COL5A1: variants seen among roughly 807,000 people sequenced by gnomAD.
COL5A1 encodes collagen alpha-1(V) chain.
Under a neutral mutation model 263.7 loss-of-function variants are expected in COL5A1, and 16 were observed. That is an observed-to-expected ratio of 0.06 (90% CI 0.04 to 0.09). COL5A1 has a LOEUF of 0.09. COL5A1 is among the 10% of genes least tolerant of loss of function. COL5A1 has a pLI of 1.00. For missense variants in COL5A1, 2,036 were observed against 2,540.5 expected, an observed-to-expected ratio of 0.80 and a Z score of 4.27; for synonymous variants, 1,012 against 1,004.5, an observed-to-expected ratio of 1.01 and a Z score of -0.14.
chr9:134,734,194 G>C (rs1287164709), intron 9 of COL5A1, among the ~76,000 whole-genome samples: 1 of 152,200 alleles, frequency 6.6e-6, no homozygotes, highest in Admixed American at 6.5e-5. Flanking sequence ...GGGCCAAGGA[G>C]AGGGCCGAGA....
intron 13 of COL5A1, 110 bp from the exon 14 acceptor site, chr9:134,752,479 C>T (rs1183489655): frequency 5.7e-5 from 47 of 821,282 alleles, no homozygotes; most frequent in Non-Finnish European, 9.0e-5. Context: ...CCTGTCCCTC[C>T]TCTGTCCAGT....
At chr9:134,815,903 G>A (rs752803507) in intron 51 of COL5A1, 32 bp from the exon 52 acceptor site, 10 of 1,613,808 alleles carry the variant, frequency 6.2e-6, no homozygotes, top group Non-Finnish European at 8.5e-6. Flanking sequence ...GCCATCCGGG[G>A]TTCAGCAAGG....
Position 134,738,814 on chromosome 9 carries a change from AG to A in COL5A1, c.1494+8del, listed in dbSNP as rs1329211097. 1 of 1,612,184 alleles carries A rather than the reference AG, an allele frequency of 6.2e-7. No individual in the cohort carries two copies. The highest frequency in any genetic ancestry group is 1.3e-5 in the African/African-American group (1 of 74,884). ...TCGGGGACCCTGGAGAAAGGGTAAGAGGTTGACTGTGTTTCCTGAGATCACA... is the reference window on the plus strand; with the variant it reads ...TCGGGGACCCTGGAGAAAGGGTAAGAGTTGACTGTGTTTCCTGAGATCACA... On this transcript the variant is annotated splice_region_variant and intron_variant, in intron 11 of 65. Transcript: ENST00000371817.
At chr9:134,762,991 CAT>C (rs1156744556) in intron 19 of COL5A1, among the ~76,000 whole-genome samples, 7 of 152,142 alleles carry the variant, frequency 4.6e-5, no homozygotes, top group Admixed American at 1.3e-4. Context: ...TGTGGACAAG[CAT>C]GTGTGTATGG....
Position 134,750,811 on chromosome 9 carries a change from G to A in COL5A1, c.1591G>A (p.Asp531Asn), listed in dbSNP as rs779170635. The A allele has an allele frequency of 2.3e-5, 37 of 1,613,164 alleles. No homozygotes were observed. Among genetic ancestry groups the A allele is most frequent in the East Asian group, 4.5e-5 (2 of 44,876 alleles). ...MLPFRFGGGG[D>N]AGSKGPMVSA... ...GCAGTTCCGGTTTGGAGGTGGCGGCGATGCGGGCTCCAAAGGCCCCATGGT... is the reference window on the plus strand; with the variant it reads ...GCAGTTCCGGTTTGGAGGTGGCGGCAATGCGGGCTCCAAAGGCCCCATGGT... The change falls in exon 13 of 66, where the codon GAT (aspartate) becomes AAT (asparagine). Residue 531 changes from aspartate (D) to asparagine (N), a missense_variant. Asp to Asn is a conservative substitution (Grantham distance 23). Around this residue, in one of 3 missense-constraint regions of COL5A1, gnomAD observed 1,078 missense variants for 1,521.4 expected, o/e 0.71. Transcript: ENST00000371817.
chr9:134,814,940 C>T lies in COL5A1; in HGVS notation c.4014+36C>T, dbSNP rs374133427. On this transcript the variant is annotated intron_variant, in intron 50 of 65. Coordinates refer to ENST00000371817, the MANE Select transcript of COL5A1 (RefSeq NM_000093.5). ...CAGACACACCTCAGGGGCCCTGCAG[C>T]AGGGGCGGGGCTCTGCACTGGGATC... The T allele has an allele frequency of 1.2e-5, 17 of 1,454,608 alleles. No individual in the cohort carries two copies. In the African/African-American group the frequency reaches 1.4e-4, roughly 12 times the overall value. 90.1% of individuals were successfully genotyped at this position (1,454,608 alleles called of 1,614,324 possible).
Position 134,730,363 on chromosome 9 carries a change from C to A in COL5A1, c.1052C>A (p.Pro351Gln), listed in dbSNP as rs887190843. 51 of 1,614,084 alleles carry A rather than the reference C, an allele frequency of 3.2e-5. No homozygotes were observed. Among genetic ancestry groups the A allele is most frequent in the Non-Finnish European group, 4.1e-5 (48 of 1,180,038 alleles). Residue 351 changes from proline to glutamine, a missense_variant, in exon 7 of 66, where the codon CCG becomes CAG. By Grantham distance (76) the Pro-to-Gln change is moderately conservative (BLOSUM62 -1). Coordinates refer to ENST00000371817, the MANE Select transcript of COL5A1 (RefSeq NM_000093.5). ...VPSEDYYTPS[P>Q]YDDLTYGEGE... ...AGTGAGGACTACTACACGCCCTCAC[C>A]GTATGATGACCTCACCTATGGCGAG...
At chr9:134,809,547 A>G (rs1838434771) in intron 43 of COL5A1, among the ~76,000 whole-genome samples, 1 of 152,228 alleles carries the variant, frequency 6.6e-6, no homozygotes. Flanking sequence ...GGTTGCCTGC[A>G]ACATTTGCTG....
At chr9:134,728,831 G>A in intron 6 of COL5A1, 24 bp downstream of exon 6, 1 of 1,613,802 alleles carries the variant, frequency 6.2e-7, no homozygotes, top group East Asian at 2.2e-5. Context: ...GGGGGACTGG[G>A]TTGGGCTGGG....
intron 11 of COL5A1, among the ~76,000 whole-genome samples, chr9:134,743,527 C>T (rs1326042667): frequency 1.3e-5 from 2 of 152,210 alleles, no homozygotes; most frequent in African/African-American, 4.8e-5. Context: ...CCCAGGGATT[C>T]AGTATGCAGG....
chr9:134,660,586 A>C (rs1832172823), intron 1 of COL5A1, among the ~76,000 whole-genome samples: 1 of 152,166 alleles, frequency 6.6e-6, no homozygotes, highest in Non-Finnish European at 1.5e-5. Flanking sequence ...CAGTGGTGGG[A>C]GTGGTGCCCC....
At chr9:134,740,360 G>C (rs10115773) in intron 11 of COL5A1, among the ~76,000 whole-genome samples, 1 of 152,202 alleles carries the variant, frequency 6.6e-6, no homozygotes, top group Non-Finnish European at 1.5e-5. Context: ...CCCCAGATTC[G>C]CGTGAGATGG....
At position 134,686,271 on chromosome 9, in the gene COL5A1, C is replaced by T. The variant is rs562451644; in HGVS notation, c.110-4641C>T. Among the ~76,000 whole-genome samples, 9 of 151,598 alleles carry T rather than the reference C, an allele frequency of 5.9e-5. No homozygotes were observed. The highest frequency in any genetic ancestry group is 1.9e-4 in the East Asian group (1 of 5,170). Reference sequence around the variant, plus strand: ...TCTTCTTCTTTCTCTTCCTTTTTTTCGAGACCAGGTTATGCTCTGTCACCC... The same window carrying T: ...TCTTCTTCTTTCTCTTCCTTTTTTTTGAGACCAGGTTATGCTCTGTCACCC... On this transcript the variant is annotated intron_variant, in intron 1 of 65. Coordinates refer to ENST00000371817, the MANE Select transcript of COL5A1 (RefSeq NM_000093.5). This position sits in a 1 kb window ranked among gnomAD's most constrained non-coding sequence, Gnocchi z 4.6.
At chr9:134,667,515 G>T (rs1832396341) in intron 1 of COL5A1, among the ~76,000 whole-genome samples, 1 of 152,238 alleles carries the variant, frequency 6.6e-6, no homozygotes, top group South Asian at 2.1e-4. Flanking sequence ...CCACACCCTG[G>T]TGCTCACTTG....
At chr9:134,822,827 C>T (rs1313604923) in intron 59 of COL5A1, 171 bp from the exon 60 acceptor site, 17 of 787,540 alleles carry the variant, frequency 2.2e-5, no homozygotes, top group Non-Finnish European at 3.4e-5. Flanking sequence ...GAGCACCAGC[C>T]AGGCCCCGAC....
chr9:134,664,810 C>T lies in COL5A1; in HGVS notation c.109+22514C>T, dbSNP rs79640208. ...GGCATGGTGGCTCATGCCTATATTT[C>T]CAGCACTTTGGGAGGCTGAGGAGGG... On this transcript the variant is annotated intron_variant, in intron 1 of 65. Coordinates refer to ENST00000371817, the MANE Select transcript of COL5A1 (RefSeq NM_000093.5). Among the ~76,000 whole-genome samples, 202 of 152,314 alleles carry T rather than the reference C, an allele frequency of 1.3e-3. 3 individuals are homozygous for T. Among genetic ancestry groups the T allele is most frequent in the African/African-American group, 4.3e-3 (178 of 41,568 alleles).
chr9:134,827,462 G>A (rs1839335510), intron 63 of COL5A1, among the ~76,000 whole-genome samples: 1 of 152,306 alleles, frequency 6.6e-6, no homozygotes, highest in East Asian at 1.9e-4. Context: ...CTCGGCTCTC[G>A]TTTCCCTCAG....
At chr9:134,738,420 G>A (rs1835180451) in intron 9 of COL5A1, 54 bp from the exon 10 acceptor site, 1 of 1,604,528 alleles carries the variant, frequency 6.2e-7, no homozygotes, top group Admixed American at 1.7e-5. Context: ...CTGGGGTCTG[G>A]GGTGTCGGGA....
At chr9:134,838,010 C>T (rs1364144747) in intron 65 of COL5A1, among the ~76,000 whole-genome samples, 2 of 152,172 alleles carry the variant, frequency 1.3e-5, no homozygotes, top group Admixed American at 1.3e-4. Flanking sequence ...TGAGACAGCC[C>T]AGGCCATGGC....
Sources: gnomAD v4.1 joint callset for allele counts (sites outside exome capture counted in the v4.1 genomes callset) on GRCh38, gnomAD v4.1.1 for gene constraint, gnomAD v4.1.1 regional missense constraint, Gnocchi (gnomAD v3.1) non-coding constraint, MANE v1.5 for transcripts, NCBI Gene and HGNC (gene_info 2026-07-23, HGNC 2026-07-21) for gene names.